The following ZNF438 variants were observed in gnomAD, a reference collection of about 807,000 sequenced individuals.
ZNF438 encodes zinc finger protein 438.
A neutral mutation model predicts 38.0 loss-of-function variants in ZNF438; 25 were observed. The observed-to-expected ratio is 0.66, with a 90% CI of 0.48 to 0.92. The LOEUF (loss-of-function observed/expected upper bound fraction) is 0.92, where lower values mean the gene tolerates loss of function less well. ZNF438 is among the 40% of genes least tolerant of loss of function. The pLI is 0.00. For missense variants in ZNF438, 1,007 were observed against 999.6 expected (o/e 1.01, Z -0.10); for synonymous variants, 372 against 364.1 (o/e 1.02, Z -0.25).
intron 4 of ZNF438, among the ~76,000 whole-genome samples, chr10:30,853,866 G>A (rs1293578899): frequency 1.3e-5 from 2 of 152,232 alleles, no homozygotes; most frequent in East Asian, 3.9e-4. Flanking sequence ...GTGGTGGCAA[G>A]TGCCTGTAAT....
rs773320339 is a variant in ZNF438 at position 30,959,778 on chromosome 10, T to C, written c.-191-18127A>G. 2.7e-5 allele frequency among the ~76,000 whole-genome samples: 4 copies of C among 146,212 alleles called. 1 individual carries two copies. Among genetic ancestry groups the C allele is most frequent in the South Asian group, 2.2e-4 (1 of 4,570 alleles). On this transcript the variant is annotated intron_variant, in intron 1 of 5. Coordinates refer to ENST00000413025, the Ensembl canonical transcript of ZNF438. ...ATAAATTTCTTCACACACACACACA[T>C]ACCTGATTCATTCTGTCTCTCTGGA... is the stretch of plus-strand genomic sequence containing the variant.
At chr10:30,850,070 G>A in exon 5 of ZNF438, 1 of 1,614,162 alleles carries the variant, frequency 6.2e-7, no homozygotes, top group Non-Finnish European at 8.5e-7. Flanking sequence ...TTCAGGTAGG[G>A]ACATTCTGGG....
At chr10:30,929,480 T>C (rs745898901) in intron 2 of ZNF438, among the ~76,000 whole-genome samples, 1 of 152,156 alleles carries the variant, frequency 6.6e-6, no homozygotes, top group Non-Finnish European at 1.5e-5. Flanking sequence ...AAGCTGCAGA[T>C]CTTCGCGGTG....
intron 3 of ZNF438, among the ~76,000 whole-genome samples, chr10:30,889,551 G>A (rs1219733993): frequency 2.6e-5 from 4 of 152,068 alleles, no homozygotes; most frequent in African/African-American, 4.8e-5. Flanking sequence ...GATTACAGGC[G>A]TGTGCCACCA....
At chr10:31,019,325 C>A (rs1203471895) in intron 1 of ZNF438, among the ~76,000 whole-genome samples, 4 of 152,062 alleles carry the variant, frequency 2.6e-5, no homozygotes, top group Non-Finnish European at 5.9e-5. Context: ...AAAATAAATA[C>A]CAAATGTATT....
rs80327066 is a variant in ZNF438, at chr10:30,990,089, A to G, written c.-192+41744T>C. 5.9e-3 allele frequency among the ~76,000 whole-genome samples: 893 copies of G among 152,332 alleles called. 9 individuals carry two copies. The highest frequency in any genetic ancestry group is 0.021 in the African/African-American group (860 of 41,566). On this transcript the variant is annotated intron_variant, in intron 1 of 5. Coordinates refer to ENST00000413025, the Ensembl canonical transcript of ZNF438. ...TAATACTTGAAATGAATTAACTAAT[A>G]CGTTAAATTCTAAAAGTTCATAATA... is the stretch of plus-strand genomic sequence containing the variant.
At chr10:30,965,205 T>C (rs1225222206) in intron 1 of ZNF438, among the ~76,000 whole-genome samples, 1 of 152,122 alleles carries the variant, frequency 6.6e-6, no homozygotes, top group Non-Finnish European at 1.5e-5. Context: ...TCACTGATCA[T>C]CGGAGAAATG....
chr10:30,861,459 A>T (rs573772675), intron 4 of ZNF438, among the ~76,000 whole-genome samples: 1 of 152,242 alleles, frequency 6.6e-6, no homozygotes, highest in African/African-American at 2.4e-5. Flanking sequence ...GGAAACAAGC[A>T]TTCTTTGTGA....
At chr10:30,848,901 T>A (rs769949229) in exon 5 of ZNF438, 1 of 1,614,222 alleles carries the variant, frequency 6.2e-7, no homozygotes. Flanking sequence ...GGCTTCTTAA[T>A]GCCAGAGAAT....
At chr10:30,891,716 A>G (rs939840056) in intron 3 of ZNF438, among the ~76,000 whole-genome samples, 7 of 152,202 alleles carry the variant, frequency 4.6e-5, no homozygotes, top group African/African-American at 1.4e-4. Context: ...ATGCTGCCAT[A>G]GTGCATTTTA....
chr10:30,984,709 C>G, intron 1 of ZNF438, among the ~76,000 whole-genome samples: 1 of 152,184 alleles, frequency 6.6e-6, no homozygotes, highest in East Asian at 1.9e-4. Flanking sequence ...AAGAATGCTT[C>G]ACATTCTTTT....
intron 4 of ZNF438, among the ~76,000 whole-genome samples, 178 bp from the exon 6 acceptor site, chr10:30,850,545 T>G (rs986276465): frequency 6.6e-6 from 1 of 152,168 alleles, no homozygotes; most frequent in Admixed American, 6.6e-5. Context: ...CTGCCTACCT[T>G]CCCCAAGGAT....
chr10:30,958,449 C>A (rs2049106565), intron 1 of ZNF438, among the ~76,000 whole-genome samples: 1 of 146,940 alleles, frequency 6.8e-6, no homozygotes, highest in Non-Finnish European at 1.5e-5. Context: ...AGAGCAAAAT[C>A]CATGATCCAC....
At chr10:30,907,526 A>G (rs2042702694) in intron 3 of ZNF438, among the ~76,000 whole-genome samples, 1 of 152,200 alleles carries the variant, frequency 6.6e-6, no homozygotes, top group Admixed American at 6.5e-5. Flanking sequence ...AATTTTTAAA[A>G]TTATAATTCA....
At chr10:30,861,825 C>T (rs951900803) in intron 4 of ZNF438, among the ~76,000 whole-genome samples, 4 of 152,032 alleles carry the variant, frequency 2.6e-5, no homozygotes, top group East Asian at 1.9e-4. Context: ...ATTTGTAGCA[C>T]GCAAAAGATT....
At chr10:30,887,290 C>T (rs1456367537) in intron 3 of ZNF438, among the ~76,000 whole-genome samples, 1 of 152,224 alleles carries the variant, frequency 6.6e-6, no homozygotes, top group African/African-American at 2.4e-5. Context: ...CCCCTGGCTC[C>T]TTCTGCCTCC....
intron 1 of ZNF438, among the ~76,000 whole-genome samples, chr10:31,005,642 G>A (rs2055057217): frequency 6.6e-6 from 1 of 152,056 alleles, no homozygotes. Context: ...TGCTAAAAGA[G>A]ATTTTCCTGC....
intron 2 of ZNF438, among the ~76,000 whole-genome samples, chr10:30,936,451 A>T (rs925206200): frequency 1.3e-5 from 2 of 152,234 alleles, no homozygotes; most frequent in African/African-American, 4.8e-5. Context: ...AGGCAGGCAG[A>T]TCACCTGAGG....
intron 4 of ZNF438, among the ~76,000 whole-genome samples, chr10:30,855,638 C>G (rs4749625): frequency 0.78 from 118,718 of 152,154 alleles, 47,213 homozygotes; most frequent in African/African-American, 0.91. Flanking sequence ...AAAAAACCCT[C>G]GTAATTACTT....
Sources: allele counts gnomAD v4.1 joint callset (sites outside exome capture counted in the v4.1 genomes callset), GRCh38; gene constraint gnomAD v4.1.1; transcripts MANE v1.5; gene names NCBI Gene and HGNC (gene_info 2026-07-23, HGNC 2026-07-21).